Variants in RBFOX1 observed in about 807,000 individuals in gnomAD.
The protein encoded by RBFOX1 is RNA binding fox-1 homolog 1.
RBFOX1 carries 8 observed loss-of-function variants against 57.7 expected under a neutral mutation model. That is an observed-to-expected ratio of 0.14 (90% CI 0.08 to 0.25). The LOEUF (loss-of-function observed/expected upper bound fraction) is 0.25, where lower values mean the gene tolerates loss of function less well. RBFOX1 is among the 10% of genes least tolerant of loss of function. RBFOX1 has a pLI of 1.00. For missense variants in RBFOX1, 611 were observed against 548.5 expected, an observed-to-expected ratio of 1.11 and a Z score of -1.14; for synonymous variants, 326 against 222.4, an observed-to-expected ratio of 1.47 and a Z score of -4.15.
At chr16:6,612,367 C>T (rs2098073370) in intron 2 of RBFOX1, among the ~76,000 whole-genome samples, 1 of 152,268 alleles carries the variant, frequency 6.6e-6, no homozygotes, top group African/African-American at 2.4e-5. Context: ...AACATTGCCA[C>T]TGCTTTTAAA....
chr16:5,956,676 A>ATTTTTTTTT lies in RBFOX1; in HGVS notation c.351+89342_351+89343insTTTTTTTTT, dbSNP rs1416211761. Among the ~76,000 whole-genome samples, 840 of 103,986 alleles carry ATTTTTTTTT rather than the reference A, an allele frequency of 8.1e-3. 20 individuals carry two copies. The highest frequency in any genetic ancestry group is 0.028 in the African/African-American group (792 of 28,068). The allele number at this position is 103,986 out of a possible 152,430, so 68.2% of individuals were successfully genotyped here. On this transcript the variant is annotated intron_variant, in intron 4 of 19. Transcript: ENST00000641259. ...TATATATTTATATATATATATATAT[A>ATTTTTTTTT]TATTTTTTTTGAGGCACAGTCTCAT...
chr16:6,707,243 G>C (rs947104058), intron 3 of RBFOX1, among the ~76,000 whole-genome samples: 1 of 152,078 alleles, frequency 6.6e-6, no homozygotes, highest in Non-Finnish European at 1.5e-5. Flanking sequence ...TTTCCTAAAC[G>C]GTCCTCCTCC....
intron 14 of RBFOX1, among the ~76,000 whole-genome samples, chr16:7,706,507 A>G (rs986045875): frequency 6.6e-6 from 1 of 152,242 alleles, no homozygotes; most frequent in African/African-American, 2.4e-5. Flanking sequence ...TATTAAATAC[A>G]TTCAAATTGC....
intron 3 of RBFOX1, among the ~76,000 whole-genome samples, chr16:5,791,150 G>C (rs747291591): frequency 6.6e-6 from 1 of 152,096 alleles, no homozygotes; most frequent in Non-Finnish European, 1.5e-5. Context: ...TTACAGGCGT[G>C]AGCCACAGTG....
intron 3 of RBFOX1, among the ~76,000 whole-genome samples, chr16:6,852,364 T>G (rs1295097380): frequency 6.6e-6 from 1 of 152,070 alleles, no homozygotes; most frequent in Non-Finnish European, 1.5e-5. Flanking sequence ...TGATCACCCA[T>G]TTTGTGAGCA....
At chr16:6,849,949 GGA>G (rs1336557044) in intron 3 of RBFOX1, among the ~76,000 whole-genome samples, 1 of 152,178 alleles carries the variant, frequency 6.6e-6, no homozygotes, top group Non-Finnish European at 1.5e-5. Flanking sequence ...TTAGAAAGCT[GGA>G]GACTTTGTCT....
chr16:5,261,804 C>T (rs990154089), intron 1 of RBFOX1, among the ~76,000 whole-genome samples: 1 of 152,090 alleles, frequency 6.6e-6, no homozygotes, highest in Admixed American at 6.5e-5. Context: ...CTGGCCTGGG[C>T]CTCCCAAAAT....
chr16:5,422,431 G>A (rs1391582470), intron 1 of RBFOX1, among the ~76,000 whole-genome samples: 2 of 137,538 alleles, frequency 1.5e-5, no homozygotes, highest in Admixed American at 1.5e-4. Flanking sequence ...GGAGGGAGAG[G>A]GAGTATGATG....
chr16:7,391,425 C>T (rs12598099), intron 4 of RBFOX1, among the ~76,000 whole-genome samples: 9,880 of 152,194 alleles, frequency 0.065, 394 homozygotes, highest in East Asian at 0.19. Context: ...CGTTTCTCAC[C>T]GCAAGAGCTC....
At chr16:6,378,387 C>G (rs1043568480) in intron 2 of RBFOX1, among the ~76,000 whole-genome samples, 1 of 152,196 alleles carries the variant, frequency 6.6e-6, no homozygotes, top group Non-Finnish European at 1.5e-5. Flanking sequence ...GCTCGCTGGG[C>G]ATCTTTCTGC....
chr16:5,318,737 T>C (rs968483754), intron 1 of RBFOX1, among the ~76,000 whole-genome samples: 1 of 152,212 alleles, frequency 6.6e-6, no homozygotes, highest in Non-Finnish European at 1.5e-5. Context: ...ACTTAGGTAC[T>C]GCTCTAAAGG....
chr16:5,798,278 C>T (rs1374759138), intron 3 of RBFOX1, among the ~76,000 whole-genome samples: 1 of 152,102 alleles, frequency 6.6e-6, no homozygotes, highest in East Asian at 1.9e-4. Flanking sequence ...CCATTTTTGG[C>T]CTCACATAAT....
chr16:5,655,769 G>A (rs376079017), intron 3 of RBFOX1, among the ~76,000 whole-genome samples: 21 of 152,306 alleles, frequency 1.4e-4, no homozygotes, highest in African/African-American at 4.6e-4. Flanking sequence ...AGCGAAAATA[G>A]CCCTACACTT....
At chr16:5,448,925 C>T (rs899289205) in intron 1 of RBFOX1, among the ~76,000 whole-genome samples, 4 of 152,072 alleles carry the variant, frequency 2.6e-5, no homozygotes, top group African/African-American at 9.7e-5. Flanking sequence ...GAATACGTGT[C>T]TCCTCCCACT....
intron 1 of RBFOX1, among the ~76,000 whole-genome samples, chr16:6,209,461 T>C (rs1259796704): frequency 2.0e-5 from 3 of 152,252 alleles, no homozygotes; most frequent in African/African-American, 7.2e-5. Context: ...AGGTTGAGCT[T>C]AATGCCGTCT....
At chr16:7,505,874 T>A (rs1314884722) in intron 4 of RBFOX1, among the ~76,000 whole-genome samples, 2 of 152,164 alleles carry the variant, frequency 1.3e-5, no homozygotes, top group Non-Finnish European at 2.9e-5. Context: ...AGCACAACTT[T>A]AGAGTTCTTT....
intron 2 of RBFOX1, among the ~76,000 whole-genome samples, chr16:6,522,045 A>G (rs1034148698): frequency 6.6e-6 from 1 of 152,106 alleles, no homozygotes; most frequent in Non-Finnish European, 1.5e-5. Flanking sequence ...GTGTTAGGAG[A>G]TTTGGCAGAG....
At chr16:6,527,416 C>G (rs374139424) in intron 2 of RBFOX1, among the ~76,000 whole-genome samples, 56 of 152,208 alleles carry the variant, frequency 3.7e-4, no homozygotes, top group African/African-American at 8.9e-4. Flanking sequence ...CCCCCCATCA[C>G]TTAATGTATT....
chr16:7,058,001 G>C (rs535332342), intron 4 of RBFOX1, among the ~76,000 whole-genome samples: 1 of 75,446 alleles, frequency 1.3e-5, no homozygotes, highest in Non-Finnish European at 2.9e-5. Flanking sequence ...GAGGGAGACT[G>C]TGGGGAAAAA....
Sources: allele counts gnomAD v4.1 joint callset (sites outside exome capture counted in the v4.1 genomes callset), GRCh38; gene constraint gnomAD v4.1.1; transcripts MANE v1.5; gene names NCBI Gene and HGNC (gene_info 2026-07-23, HGNC 2026-07-21).